The following LRRC7 variants were observed in gnomAD, a reference collection of about 807,000 sequenced individuals.
LRRC7 encodes leucine rich repeat containing 7, also known as leucine-rich repeat-containing protein 7.
Under a neutral mutation model 175.7 loss-of-function variants are expected in LRRC7, and 23 were observed. That is an observed-to-expected ratio of 0.13 (90% CI 0.09 to 0.19). LRRC7 has a LOEUF of 0.19. Ranked by LOEUF, LRRC7 falls within the 10% of genes least tolerant of loss-of-function variation. The pLI is 1.00. For synonymous variants in LRRC7, 685 were observed against 680.9 expected (o/e 1.01, Z -0.09); for missense variants, 1,354 against 1,904.7 (o/e 0.71, Z 5.38).
At chr1:69,628,199 T>G (rs948472565) in intron 1 of LRRC7, among the ~76,000 whole-genome samples, 6 of 152,142 alleles carry the variant, frequency 3.9e-5, no homozygotes, top group Admixed American at 3.3e-4. Flanking sequence ...GAAAATTGTC[T>G]TTGTTTGCAG....
At chr1:70,017,266 G>GA (rs532410727) in intron 14 of LRRC7, among the ~76,000 whole-genome samples, 6,424 of 107,812 alleles carry the variant, frequency 0.06, 128 homozygotes, top group Non-Finnish European at 0.071. Flanking sequence ...CTCTGTCTCA[G>GA]AAAAAAAAAA....
At chr1:69,832,748 G>A (rs1278459380) in intron 5 of LRRC7, among the ~76,000 whole-genome samples, 1 of 151,918 alleles carries the variant, frequency 6.6e-6, no homozygotes, top group African/African-American at 2.4e-5. Context: ...TTTTGTAAAT[G>A]TATACTGTAT....
chr1:69,699,189 G>A (rs1663012511), intron 2 of LRRC7, among the ~76,000 whole-genome samples: 1 of 152,200 alleles, frequency 6.6e-6, no homozygotes, highest in East Asian at 1.9e-4. Context: ...CTGGCTAGAG[G>A]ACTTGCCCAT....
intron 8 of LRRC7, among the ~76,000 whole-genome samples, chr1:69,965,378 C>T (rs578237103): frequency 6.6e-6 from 1 of 152,138 alleles, no homozygotes; most frequent in South Asian, 2.1e-4. Flanking sequence ...CTCCTCTGGG[C>T]CATTAATACA....
intron 8 of LRRC7, among the ~76,000 whole-genome samples, chr1:69,978,538 A>G (rs191308155): frequency 1.2e-4 from 19 of 152,338 alleles, no homozygotes; most frequent in Admixed American, 2.6e-4. Flanking sequence ...TTCTACATGC[A>G]TACACACACA....
In LRRC7 at chr1:69,838,279, C is replaced by A; in HGVS notation, c.643C>A (p.Pro215Thr). ...AAGAGAAAATCACTTGAAAACTCTA[C>A]CAAAGTAAGTGACTGTGTATTTTCT... is the stretch of plus-strand genomic sequence containing the variant. ...ELRENHLKTLPKSMHKLAQLE... is the reference protein window; with the variant it reads ...ELRENHLKTLTKSMHKLAQLE... Residue 215 changes from proline (P) to threonine (T), a missense_variant, in exon 7 of 27, where the codon CCA (proline) becomes ACA (threonine). By Grantham distance (38) the Pro-to-Thr change is conservative. Around this residue, in one of 4 missense-constraint regions of LRRC7, gnomAD observed 201 missense variants for 481.4 expected, o/e 0.42. Transcript: ENST00000651989. The A allele has an allele frequency of 6.2e-7, 1 of 1,605,034 alleles. No individual in the cohort carries two copies. Among genetic ancestry groups the A allele is most frequent in the Non-Finnish European group, 8.5e-7 (1 of 1,173,060 alleles).
intron 5 of LRRC7, among the ~76,000 whole-genome samples, chr1:69,828,650 T>C (rs1013397017): frequency 6.6e-6 from 1 of 152,124 alleles, no homozygotes; most frequent in African/African-American, 2.4e-5. Flanking sequence ...AATGAAATGA[T>C]AATCATGGTT....
chr1:70,115,240 A>G (rs1200850102), intron 26 of LRRC7, among the ~76,000 whole-genome samples: 1 of 152,260 alleles, frequency 6.6e-6, no homozygotes, highest in African/African-American at 2.4e-5. Flanking sequence ...GGATGATGCC[A>G]GTCCAAGACT....
At chr1:69,692,444 C>T (rs558777026) in intron 2 of LRRC7, among the ~76,000 whole-genome samples, 122 of 152,200 alleles carry the variant, frequency 8.0e-4, no homozygotes, top group Non-Finnish European at 1.5e-3. Flanking sequence ...AATATTAAGC[C>T]TTTAGACAGC....
intron 18 of LRRC7, among the ~76,000 whole-genome samples, chr1:70,033,886 C>T (rs1279325328): frequency 6.6e-6 from 1 of 151,972 alleles, no homozygotes; most frequent in African/African-American, 2.4e-5. Flanking sequence ...ACAAAATTCC[C>T]ATTCTTGTAA....
chr1:69,843,064 T>C (rs1681909767), intron 7 of LRRC7, among the ~76,000 whole-genome samples: 1 of 151,974 alleles, frequency 6.6e-6, no homozygotes. Context: ...CTAGGCATGG[T>C]GGCATACACC....
intron 4 of LRRC7, among the ~76,000 whole-genome samples, chr1:69,794,010 C>T (rs1675426771): frequency 6.6e-6 from 1 of 151,840 alleles, no homozygotes; most frequent in South Asian, 2.1e-4. Context: ...AATGAAGTAC[C>T]TAATTATAAA....
intron 2 of LRRC7, among the ~76,000 whole-genome samples, chr1:69,717,794 GAAAGAAAGAAAGAAAGAAAGA>G (rs1665592461): frequency 5.3e-5 from 1 of 18,714 alleles, no homozygotes; most frequent in African/African-American, 3.1e-4. Flanking sequence ...AAGAAAGAAA[GAAAGAAAGAAAGAAAGAAAGA>G]AAGAAAGAAA....
intron 7 of LRRC7, among the ~76,000 whole-genome samples, chr1:69,893,330 A>G (rs1359807480): frequency 1.3e-5 from 2 of 152,220 alleles, no homozygotes; most frequent in Non-Finnish European, 2.9e-5. Flanking sequence ...GACAGCTAAC[A>G]TGTATTAAAC....
chr1:69,888,361 G>T (rs1258640571), intron 7 of LRRC7, among the ~76,000 whole-genome samples: 1 of 152,170 alleles, frequency 6.6e-6, no homozygotes, highest in Non-Finnish European at 1.5e-5. Context: ...GCAATATTCG[G>T]GTGGGAGTGA....
chr1:69,787,179 G>A (rs1674540378), intron 3 of LRRC7, among the ~76,000 whole-genome samples: 1 of 152,230 alleles, frequency 6.6e-6, no homozygotes, highest in African/African-American at 2.4e-5. Flanking sequence ...TCACGCTGTT[G>A]CAAGAGGTGG....
At chr1:69,610,363 C>G (rs1345156248) in intron 1 of LRRC7, among the ~76,000 whole-genome samples, 1 of 151,962 alleles carries the variant, frequency 6.6e-6, no homozygotes, top group Non-Finnish European at 1.5e-5. Flanking sequence ...TGTACCATGT[C>G]AGGAAGTATC....
At chr1:69,577,128 G>A (rs1178380207) in intron 1 of LRRC7, among the ~76,000 whole-genome samples, 1 of 152,272 alleles carries the variant, frequency 6.6e-6, no homozygotes, top group Non-Finnish European at 1.5e-5. Context: ...CGTGAACACA[G>A]GGGACTGGAT....
At chr1:69,623,251 C>G (rs1650929474) in intron 1 of LRRC7, among the ~76,000 whole-genome samples, 1 of 152,132 alleles carries the variant, frequency 6.6e-6, no homozygotes, top group African/African-American at 2.4e-5. Flanking sequence ...ATTGAATTGA[C>G]TTAAATCAAT....
Sources: gnomAD v4.1 joint callset for allele counts (sites outside exome capture counted in the v4.1 genomes callset) on GRCh38, gnomAD v4.1.1 for gene constraint, gnomAD v4.1.1 regional missense constraint, MANE v1.5 for transcripts, NCBI Gene and HGNC (gene_info 2026-07-23, HGNC 2026-07-21) for gene names.